Variants in CRACD observed in about 807,000 individuals in gnomAD.
CRACD encodes capping protein-inhibiting regulator of actin dynamics.
A neutral mutation model predicts 106.8 loss-of-function variants in CRACD; 56 were observed. That is an observed-to-expected ratio of 0.52 (90% confidence interval 0.42 to 0.66). The LOEUF is 0.66. CRACD is among the 30% of genes least tolerant of loss of function. CRACD has a pLI of 0.00. For missense variants in CRACD, 1,730 were observed against 1,623.2 expected (o/e 1.07, Z -1.13); for synonymous variants, 754 against 670.8 (o/e 1.12, Z -1.92).
chr4:56,232,829 AT>A (rs1166349675), intron 2 of CRACD, among the ~76,000 whole-genome samples: 1 of 151,582 alleles, frequency 6.6e-6, no homozygotes, highest in Non-Finnish European at 1.5e-5. Flanking sequence ...GGTTCAAGAG[AT>A]TCTCCTGCCT....
chr4:56,178,768 A>G (rs1309739630), intron 1 of CRACD, among the ~76,000 whole-genome samples: 8 of 152,148 alleles, frequency 5.3e-5, no homozygotes, highest in Non-Finnish European at 1.2e-4. Flanking sequence ...TCCAGCTAAA[A>G]TCTACATTCA....
intron 4 of CRACD, among the ~76,000 whole-genome samples, chr4:56,298,632 G>T (rs915510757): frequency 3.9e-5 from 6 of 152,270 alleles, no homozygotes; most frequent in East Asian, 1.9e-4. Context: ...AAGTACCCAA[G>T]AGAAGCTGCA....
At chr4:56,239,638 T>G (rs1740242879) in intron 2 of CRACD, among the ~76,000 whole-genome samples, 1 of 152,086 alleles carries the variant, frequency 6.6e-6, no homozygotes, top group South Asian at 2.1e-4. Context: ...TGGAGCAAAT[T>G]CAGGTTGTCT....
chr4:56,051,661 A>G (rs1003642942), intron 1 of CRACD, among the ~76,000 whole-genome samples: 2 of 152,142 alleles, frequency 1.3e-5, no homozygotes, highest in Non-Finnish European at 2.9e-5. Context: ...GAATCACACA[A>G]CCTTCTCCAA....
chr4:56,056,452 G>A (rs188096358), intron 1 of CRACD, among the ~76,000 whole-genome samples: 2 of 152,166 alleles, frequency 1.3e-5, no homozygotes, highest in African/African-American at 2.4e-5. Context: ...TGGCTAGTCC[G>A]AATGGAGATG....
At position 56,149,673 on chromosome 4, in the gene CRACD, T is replaced by C. The variant is rs544169721; in HGVS notation, c.-335-29611T>C. 3.9e-5 allele frequency among the ~76,000 whole-genome samples: 6 copies of C among 152,330 alleles called. No individual in the cohort carries two copies. The South Asian group carries it at 1.0e-3, about 26-fold the overall frequency. ...GTATAGTACAGTGAAATAGTCTCAATAGAACTTTGTCAAGTACAAAACCCT... is the reference window on the plus strand; with the variant it reads ...GTATAGTACAGTGAAATAGTCTCAACAGAACTTTGTCAAGTACAAAACCCT... On this transcript the variant is annotated intron_variant, in intron 1 of 10. Transcript: ENST00000682029.
At chr4:56,234,789 A>G (rs1739864452) in intron 2 of CRACD, among the ~76,000 whole-genome samples, 1 of 152,310 alleles carries the variant, frequency 6.6e-6, no homozygotes, top group South Asian at 2.1e-4. Context: ...ATTCCTTTTC[A>G]TATGACAATT....
rs531885178 is a variant in CRACD, at chr4:56,314,539, G to T, written c.1037G>T (p.Arg346Leu). The T allele has an allele frequency of 6.6e-7, 1 of 1,508,072 alleles. No individual in the cohort carries two copies. 93.4% of individuals were successfully genotyped at this position (1,508,072 alleles called of 1,614,324 possible). A position where few individuals can be genotyped will look rare whatever the true frequency, so the allele number is the denominator to read the frequency against. ...EEDARLEERR[R>L]QEEEEGRCAE... ...GACGCCAGGCTGGAGGAGCGGAGGC[G>T]GCAGGAGGAGGAGGAAGGAAGATGC... is the stretch of plus-strand genomic sequence containing the variant. Residue 346 changes from arginine (R) to leucine (L), a missense_variant, in exon 8 of 11, where the codon CGG (arginine) becomes CTG (leucine). By Grantham distance (102) the Arg-to-Leu change is moderately radical. Around this residue, in one of 5 missense-constraint regions of CRACD, gnomAD observed 1,620 missense variants for 1,481.6 expected, o/e 1.09. Coordinates refer to ENST00000682029, the MANE Select transcript of CRACD (RefSeq NM_001393381.1). This position sits in a 1 kb window ranked among gnomAD's most constrained non-coding sequence, Gnocchi z 4.4.
Position 56,118,054 on chromosome 4 carries a change from C to T in CRACD, c.-335-61230C>T, listed in dbSNP as rs556477267. 4.6e-5 allele frequency among the ~76,000 whole-genome samples: 7 copies of T among 152,310 alleles called. No homozygotes were observed. In the South Asian group the frequency reaches 1.5e-3, roughly 32 times the overall value. On this transcript the variant is annotated intron_variant, in intron 1 of 10. Coordinates refer to ENST00000682029, the MANE Select transcript of CRACD (RefSeq NM_001393381.1). The stretch of plus-strand genomic sequence containing the variant: ...GATTACAGGCATGAGCCACTGCGCC[C>T]GGCTGCTTTATGAATATTAAAACTG...
At chr4:56,225,971 C>T (rs1739278690) in intron 2 of CRACD, among the ~76,000 whole-genome samples, 1 of 152,194 alleles carries the variant, frequency 6.6e-6, no homozygotes, top group Non-Finnish European at 1.5e-5. Flanking sequence ...TCAACTTTCT[C>T]CTTATCCATT....
At chr4:56,051,942 G>A (rs1731891993) in intron 1 of CRACD, among the ~76,000 whole-genome samples, 1 of 152,072 alleles carries the variant, frequency 6.6e-6, no homozygotes, top group Non-Finnish European at 1.5e-5. Flanking sequence ...ATTTTTGTGA[G>A]GATCAAATAA....
Position 56,254,843 on chromosome 4 carries a change from G to A in CRACD, c.-188-17478G>A, listed in dbSNP as rs536160503. 4.0e-5 allele frequency among the ~76,000 whole-genome samples: 6 copies of A among 151,452 alleles called. No homozygotes were observed. In the East Asian group the frequency reaches 1.2e-3, roughly 29 times the overall value. ...AGATCAGCTGGCCGCGGTGGCTCAC[G>A]CCTGTAATCCCAGCACTTTGGGAGG... On this transcript the variant is annotated intron_variant, in intron 2 of 10. Coordinates refer to ENST00000682029, the MANE Select transcript of CRACD (RefSeq NM_001393381.1).
At chr4:56,080,744 C>G (rs184005060) in intron 1 of CRACD, among the ~76,000 whole-genome samples, 1 of 152,220 alleles carries the variant, frequency 6.6e-6, no homozygotes, top group Admixed American at 6.5e-5. Flanking sequence ...AGGCCCCTCT[C>G]CCTTCAGCAG....
At chr4:56,101,784 G>A (rs1020035408) in intron 1 of CRACD, among the ~76,000 whole-genome samples, 1 of 148,216 alleles carries the variant, frequency 6.7e-6, no homozygotes, top group Non-Finnish European at 1.5e-5. Context: ...AAAAAAGAAT[G>A]TGTTACTAAA....
chr4:56,256,450 G>A (rs1462257936), intron 2 of CRACD, among the ~76,000 whole-genome samples: 1 of 152,066 alleles, frequency 6.6e-6, no homozygotes, highest in African/African-American at 2.4e-5. Flanking sequence ...ACATGAAAAC[G>A]AACTAATACA....
intron 2 of CRACD, among the ~76,000 whole-genome samples, chr4:56,243,585 T>A (rs1740496524): frequency 6.6e-6 from 1 of 152,226 alleles, no homozygotes; most frequent in African/African-American, 2.4e-5. Context: ...TAGCATATTA[T>A]CCAGTGTAAA....
chr4:56,145,236 C>T (rs1237208992), intron 1 of CRACD, among the ~76,000 whole-genome samples: 1 of 152,172 alleles, frequency 6.6e-6, no homozygotes, highest in Non-Finnish European at 1.5e-5. Context: ...ATTTTACACA[C>T]CAGAGATGTA....
At chr4:56,251,867 A>G (rs562411937) in intron 2 of CRACD, among the ~76,000 whole-genome samples, 16 of 152,330 alleles carry the variant, frequency 1.1e-4, no homozygotes, top group Non-Finnish European at 1.5e-4. Flanking sequence ...CTAAATGCCT[A>G]ACTTACTGGG....
chr4:56,196,370 G>A (rs1002562516), intron 2 of CRACD: 2 of 153,070 alleles, frequency 1.3e-5, no homozygotes, highest in Non-Finnish European at 2.9e-5. Context: ...CATGGCCATG[G>A]AGGAAAGTAA....
Sources: allele counts gnomAD v4.1 joint callset (sites outside exome capture counted in the v4.1 genomes callset), GRCh38; gene constraint gnomAD v4.1.1; regional missense constraint gnomAD v4.1.1; non-coding constraint Gnocchi (gnomAD v3.1); transcripts MANE v1.5; gene names NCBI Gene and HGNC (gene_info 2026-07-23, HGNC 2026-07-21).